CAMK1D: variants seen among roughly 807,000 people sequenced by gnomAD.
CAMK1D encodes calcium/calmodulin-dependent protein kinase type 1D.
CAMK1D carries 9 observed loss-of-function variants against 47.7 expected under a neutral mutation model. The observed-to-expected ratio is 0.19, with a 90% CI of 0.11 to 0.33. CAMK1D has a LOEUF of 0.33. CAMK1D is among the 10% of genes least tolerant of loss of function. CAMK1D has a pLI of 1.00. For missense variants in CAMK1D, 291 were observed against 488.7 expected (o/e 0.60, Z 3.81); for synonymous variants, 184 against 184.9 (o/e 0.99, Z 0.04).
At position 12,655,999 on chromosome 10, in the gene CAMK1D, T is replaced by C. The variant is rs145626814; in HGVS notation, c.225-10737T>C. 6.4e-3 allele frequency among the ~76,000 whole-genome samples: 976 copies of C among 152,306 alleles called. 7 individuals are homozygous for C. The highest frequency in any genetic ancestry group is 0.012 in the Non-Finnish European group (787 of 68,026). ...TTCTCATAGATACCTTAATGCACTT[T>C]GCCTCATTATAAGTTTAGATTCATT... On this transcript the variant is annotated intron_variant, in intron 2 of 10. Transcript: ENST00000619168.
At chr10:12,808,059 A>G (rs1838816116) in intron 6 of CAMK1D, among the ~76,000 whole-genome samples, 1 of 152,192 alleles carries the variant, frequency 6.6e-6, no homozygotes, top group Non-Finnish European at 1.5e-5. Context: ...CCATGCTGGA[A>G]TAAACTGCTG....
At chr10:12,638,139 A>C (rs1192816446) in intron 2 of CAMK1D, among the ~76,000 whole-genome samples, 1 of 151,558 alleles carries the variant, frequency 6.6e-6, no homozygotes, top group Non-Finnish European at 1.5e-5. Context: ...GTAACAACTC[A>C]CTCTTTGACT....
At position 12,674,924 on chromosome 10, in the gene CAMK1D, C is replaced by A. The variant is rs549193927; in HGVS notation, c.299+8114C>A. Among the ~76,000 whole-genome samples the A allele has an allele frequency of 8.0e-5, 12 of 150,122 alleles. No homozygotes were observed. In the South Asian group the frequency reaches 1.5e-3, roughly 18 times the overall value. Reference sequence around the variant, plus strand: ...GCAGGTGCCTGTAATCCCAGCTACTCAGGAGGCTGAGGCAGGGAATTGCTT... The same window carrying A: ...GCAGGTGCCTGTAATCCCAGCTACTAAGGAGGCTGAGGCAGGGAATTGCTT... On this transcript the variant is annotated intron_variant, in intron 3 of 10. Coordinates refer to ENST00000619168, the MANE Select transcript of CAMK1D (RefSeq NM_153498.4).
chr10:12,597,405 C>T (rs1838175919), intron 2 of CAMK1D, among the ~76,000 whole-genome samples: 1 of 152,172 alleles, frequency 6.6e-6, no homozygotes, highest in Non-Finnish European at 1.5e-5. Flanking sequence ...TCTGCCTGCC[C>T]ACGGTCATTG....
chr10:12,389,871 G>T (rs141834679), intron 1 of CAMK1D, among the ~76,000 whole-genome samples: 358 of 152,058 alleles, frequency 2.4e-3, no homozygotes, highest in African/African-American at 7.4e-3. Flanking sequence ...CTGCATTTAG[G>T]TCAGTGGAAG....
intron 1 of CAMK1D, among the ~76,000 whole-genome samples, chr10:12,418,800 A>G (rs1839942921): frequency 6.6e-6 from 1 of 152,192 alleles, no homozygotes; most frequent in African/African-American, 2.4e-5. Context: ...CAAAGGTTCC[A>G]ATTGCTGGGT....
At chr10:12,633,983 C>T (rs554818241) in intron 2 of CAMK1D, among the ~76,000 whole-genome samples, 3 of 152,152 alleles carry the variant, frequency 2.0e-5, no homozygotes, top group African/African-American at 4.8e-5. Flanking sequence ...GAATATTTCC[C>T]GAGTCTGGCA....
chr10:12,687,829 G>A (rs1369443191), intron 3 of CAMK1D, among the ~76,000 whole-genome samples: 1 of 152,230 alleles, frequency 6.6e-6, no homozygotes, highest in Non-Finnish European at 1.5e-5. Flanking sequence ...CTCTAAGGCT[G>A]TAATAGATTG....
rs1241702867 is a variant in CAMK1D at position 12,686,329 on chromosome 10, AT to A, written c.299+19527del. 3.3e-5 allele frequency among the ~76,000 whole-genome samples: 5 copies of A among 151,728 alleles called. No homozygotes were observed. In the South Asian group the frequency reaches 1.0e-3, roughly 32 times the overall value. The stretch of plus-strand genomic sequence containing the variant: ...GTACATACTTTTTATTTATTTATTT[AT>A]TTTTTTTGGAGATGGAGTTTCGCTC... On this transcript the variant is annotated intron_variant, in intron 3 of 10. Transcript: ENST00000619168.
chr10:12,547,701 C>CACACACACACACACACACA (rs1554786385), intron 1 of CAMK1D, among the ~76,000 whole-genome samples: 6 of 143,698 alleles, frequency 4.2e-5, no homozygotes, highest in African/African-American at 7.7e-5. Context: ...CACACACACA[C>CACACACACACACACACACA]CACTGTGTTA....
chr10:12,628,530 A>G (rs1839289256), intron 2 of CAMK1D, among the ~76,000 whole-genome samples: 1 of 152,216 alleles, frequency 6.6e-6, no homozygotes, highest in Non-Finnish European at 1.5e-5. Flanking sequence ...TATTATTAAC[A>G]TCTTGAATTA....
intron 1 of CAMK1D, among the ~76,000 whole-genome samples, 162 bp from the exon 2 acceptor site, chr10:12,553,063 A>G (rs929067238): frequency 6.6e-6 from 1 of 152,194 alleles, no homozygotes; most frequent in African/African-American, 2.4e-5. Context: ...ATTTCTTTGC[A>G]CAAAGATGTT....
intron 2 of CAMK1D, among the ~76,000 whole-genome samples, chr10:12,615,766 G>A (rs1456547810): frequency 6.6e-6 from 1 of 151,366 alleles, no homozygotes; most frequent in African/African-American, 2.4e-5. Context: ...GTGCGTAGGT[G>A]TGTGTAAGTG....
In CAMK1D at chr10:12,834,103, T is replaced by G. The variant is rs1833466227; in HGVS notation, c.*5216T>G. ...TCAAACAGACTCCTAAAAGGAGGGT[T>G]TCTTTCCTGAAGACTCCAAGAAAAT... On this transcript the variant is annotated 3_prime_UTR_variant, in exon 11 of 11. Coordinates refer to ENST00000619168, the MANE Select transcript of CAMK1D (RefSeq NM_153498.4). 1 of 152,164 alleles carries G rather than the reference T, an allele frequency of 6.6e-6. No homozygotes were observed. Among genetic ancestry groups the G allele is most frequent in the Non-Finnish European group, 1.5e-5 (1 of 68,026 alleles). 9.4% of individuals were successfully genotyped at this position (152,164 alleles called of 1,614,324 possible).
chr10:12,569,716 C>T (rs1837259829), intron 2 of CAMK1D, among the ~76,000 whole-genome samples: 1 of 87,278 alleles, frequency 1.1e-5, no homozygotes, highest in African/African-American at 6.8e-5. Context: ...GAACGAGACT[C>T]CGTCTCAAAA....
In CAMK1D at chr10:12,524,638, C is replaced by T. The variant is rs568336916; in HGVS notation, c.93-28587C>T. Among the ~76,000 whole-genome samples the T allele has an allele frequency of 8.6e-5, 13 of 151,878 alleles. No homozygotes were observed. The East Asian group carries it at 1.9e-3, about 23-fold the overall frequency. On this transcript the variant is annotated intron_variant, in intron 1 of 10. Coordinates refer to ENST00000619168, the MANE Select transcript of CAMK1D (RefSeq NM_153498.4). ...AGGAGAATGGCGTGAACCCAGGAGGCAGAGCTTGCAGTGAGCCAAGATGGC... is the reference window on the plus strand; with the variant it reads ...AGGAGAATGGCGTGAACCCAGGAGGTAGAGCTTGCAGTGAGCCAAGATGGC...
At chr10:12,376,595 C>T (rs925000424) in intron 1 of CAMK1D, among the ~76,000 whole-genome samples, 3 of 152,074 alleles carry the variant, frequency 2.0e-5, no homozygotes, top group Non-Finnish European at 4.4e-5. Flanking sequence ...TCATGCTTCT[C>T]CTGAGGTCCG....
At position 12,687,729 on chromosome 10, in the gene CAMK1D, C is replaced by T. The variant is rs143724441; in HGVS notation, c.299+20919C>T. 5.0e-3 allele frequency among the ~76,000 whole-genome samples: 758 copies of T among 152,298 alleles called. 5 individuals are homozygous for T. The highest frequency in any genetic ancestry group is 0.031 in the Middle Eastern group (9 of 294). ...TGACTGAAAGCAAAGCCAGATCTCTCAATTCCGGAGACAAATCAAAAAGAG... is the reference window on the plus strand; with the variant it reads ...TGACTGAAAGCAAAGCCAGATCTCTTAATTCCGGAGACAAATCAAAAAGAG... On this transcript the variant is annotated intron_variant, in intron 3 of 10. Transcript: ENST00000619168.
At chr10:12,443,642 ATTTTT>A (rs2132017899) in intron 1 of CAMK1D, among the ~76,000 whole-genome samples, 2 of 149,528 alleles carry the variant, frequency 1.3e-5, no homozygotes, top group African/African-American at 4.9e-5. Flanking sequence ...TTTTTTTTTT[ATTTTT>A]GAGACGGAGT....
Sources: gnomAD v4.1 joint callset for allele counts (sites outside exome capture counted in the v4.1 genomes callset) on GRCh38, gnomAD v4.1.1 for gene constraint, MANE v1.5 for transcripts, NCBI Gene and HGNC (gene_info 2026-07-23, HGNC 2026-07-21) for gene names.